The following ZC3H12C variants were observed in gnomAD, a reference collection of about 807,000 sequenced individuals.
ZC3H12C encodes the protein probable ribonuclease ZC3H12C.
A neutral mutation model predicts 76.3 loss-of-function variants in ZC3H12C; 20 were observed. The ratio of observed to expected loss-of-function variants is 0.26; its 90% confidence interval spans 0.18 to 0.38. ZC3H12C has a LOEUF of 0.38. Among genes scored for constraint, ZC3H12C ranks in the 10% least tolerant of loss-of-function variants. The probability of loss-of-function intolerance (pLI) is 1.00; values close to 1 mark genes in which losing one functional copy is unlikely to be tolerated. For synonymous variants in ZC3H12C, 352 were observed against 399.6 expected (o/e 0.88, Z 1.42); for missense variants, 874 against 1,086.5 (o/e 0.80, Z 2.75).
At chr11:110,140,941 CAA>C (rs1344774302) in intron 2 of ZC3H12C, among the ~76,000 whole-genome samples, 1 of 152,196 alleles carries the variant, frequency 6.6e-6, no homozygotes, top group African/African-American at 2.4e-5. Context: ...AGATTGGAGA[CAA>C]AGAGACCCAC....
intron 4 of ZC3H12C, among the ~76,000 whole-genome samples, chr11:110,160,231 A>G (rs1253815091): frequency 6.6e-6 from 1 of 152,236 alleles, no homozygotes; most frequent in African/African-American, 2.4e-5. Flanking sequence ...CAGTGAATGA[A>G]TGGTGAGTGA....
At chr11:110,154,933 T>C (rs566943357) in intron 3 of ZC3H12C, among the ~76,000 whole-genome samples, 4 of 148,586 alleles carry the variant, frequency 2.7e-5, no homozygotes, top group Non-Finnish European at 5.9e-5. Flanking sequence ...AGAAAAAAAG[T>C]TCAACCCCAT....
chr11:110,142,452 A>G (rs1862083401), intron 2 of ZC3H12C, among the ~76,000 whole-genome samples: 1 of 152,222 alleles, frequency 6.6e-6, no homozygotes, highest in South Asian at 2.1e-4. Flanking sequence ...ACTTTTGTTA[A>G]TAAGACCTTT....
intron 1 of ZC3H12C, among the ~76,000 whole-genome samples, chr11:110,100,294 T>C (rs1861190564): frequency 6.8e-6 from 1 of 146,698 alleles, no homozygotes; most frequent in Admixed American, 7.0e-5. Flanking sequence ...ATCACCCGCC[T>C]CCACTTCCCA....
intron 4 of ZC3H12C, among the ~76,000 whole-genome samples, chr11:110,160,023 G>T (rs1471888633): frequency 6.6e-6 from 1 of 152,214 alleles, no homozygotes; most frequent in Non-Finnish European, 1.5e-5. Context: ...CTACCAACTT[G>T]TATAGCATGC....
rs952602254 is a variant in ZC3H12C, at chr11:110,106,236, C to T, written c.21+12804C>T. Among the ~76,000 whole-genome samples, 2 of 14,940 alleles carry T rather than the reference C, an allele frequency of 1.3e-4. 1 individual carries two copies. The highest frequency in any genetic ancestry group is 6.1e-4 in the African/African-American group (2 of 3,254). 9.8% of individuals were successfully genotyped at this position (14,940 alleles called of 152,430 possible). A position where few individuals can be genotyped will look rare whatever the true frequency, so the allele number is the denominator to read the frequency against. On this transcript the variant is annotated intron_variant, in intron 1 of 5. Coordinates refer to ENST00000278590, the MANE Select transcript of ZC3H12C (RefSeq NM_033390.2). ...TGAGCCGAGATCGCGCCACTGCACT[C>T]CAGCCTGGGCGACAGAGCGAGACTC...
intron 2 of ZC3H12C, among the ~76,000 whole-genome samples, chr11:110,145,442 C>T (rs1032769515): frequency 3.9e-5 from 6 of 152,106 alleles, no homozygotes; most frequent in South Asian, 4.1e-4. Context: ...GTTCATAAGG[C>T]GTTCCTTTTA....
chr11:110,144,824 G>A (rs1307866935), intron 2 of ZC3H12C, among the ~76,000 whole-genome samples: 1 of 152,018 alleles, frequency 6.6e-6, no homozygotes, highest in Non-Finnish European at 1.5e-5. Flanking sequence ...TTTTATAGAT[G>A]CCTTCATTCT....
At chr11:110,119,732 G>A (rs894755644) in intron 1 of ZC3H12C, among the ~76,000 whole-genome samples, 1 of 152,196 alleles carries the variant, frequency 6.6e-6, no homozygotes, top group Non-Finnish European at 1.5e-5. Flanking sequence ...TCGATGTCTG[G>A]TGAAGTCCTC....
intron 1 of ZC3H12C, among the ~76,000 whole-genome samples, chr11:110,106,567 A>G (rs1292298301): frequency 6.6e-6 from 1 of 152,212 alleles, no homozygotes; most frequent in Non-Finnish European, 1.5e-5. Flanking sequence ...TGATAATAAT[A>G]CATATCGTGG....
At chr11:110,146,736 T>C (rs1862178349) in intron 2 of ZC3H12C, among the ~76,000 whole-genome samples, 1 of 152,198 alleles carries the variant, frequency 6.6e-6, no homozygotes, top group Non-Finnish European at 1.5e-5. Flanking sequence ...TTTCTTTGTC[T>C]TTATCTTTCT....
intron 2 of ZC3H12C, among the ~76,000 whole-genome samples, 183 bp downstream of exon 2, chr11:110,137,597 T>C (rs1861989341): frequency 1.3e-5 from 2 of 152,358 alleles, no homozygotes; most frequent in South Asian, 4.1e-4. Flanking sequence ...CCATCTTTAC[T>C]TCATTTATCC....
chr11:110,102,599 T>C (rs1861237385), intron 1 of ZC3H12C, among the ~76,000 whole-genome samples: 1 of 152,182 alleles, frequency 6.6e-6, no homozygotes, highest in Non-Finnish European at 1.5e-5. Context: ...ATTTCAAAAA[T>C]TCAACCTAGT....
chr11:110,165,281 A>C lies in ZC3H12C; in HGVS notation c.2196A>C (p.Ala732=). The change falls in exon 6 of 6, where the codon GCA becomes GCC. Residue 732 remains alanine (A), a synonymous_variant. Coordinates refer to ENST00000278590, the MANE Select transcript of ZC3H12C (RefSeq NM_033390.2). ...PGDYPSPPSS[A]HSKAPHLGRS... is the part of the protein sequence containing the mutation. ...ACTACCCCTCTCCTCCAAGTTCAGC[A>C]CACTCTAAGGCACCACACCTAGGGA... The C allele has an allele frequency of 1.2e-6, 2 of 1,614,006 alleles. No individual in the cohort carries two copies. Among genetic ancestry groups the C allele is most frequent in the Non-Finnish European group, 1.7e-6 (2 of 1,179,892 alleles).
At chr11:110,101,704 C>T (rs560213001) in intron 1 of ZC3H12C, among the ~76,000 whole-genome samples, 6 of 152,194 alleles carry the variant, frequency 3.9e-5, no homozygotes, top group East Asian at 1.9e-4. Context: ...CGCGCCACCA[C>T]GTCCAGCTAA....
At chr11:110,159,145 A>C (rs1862431493) in intron 3 of ZC3H12C, 111 bp from the exon 4 acceptor site, 14 of 765,222 alleles carry the variant, frequency 1.8e-5, no homozygotes. Context: ...TCCCTAATTA[A>C]AGGATTTCAT....
intron 1 of ZC3H12C, among the ~76,000 whole-genome samples, chr11:110,115,460 AC>A (rs1861508931): frequency 6.6e-6 from 1 of 151,732 alleles, no homozygotes. Context: ...ACATCACCAC[AC>A]TTGGGTAAGT....
At chr11:110,144,427 A>C (rs1862124899) in intron 2 of ZC3H12C, among the ~76,000 whole-genome samples, 1 of 152,202 alleles carries the variant, frequency 6.6e-6, no homozygotes, top group South Asian at 2.1e-4. Context: ...TCAGAATAAG[A>C]ATCCCAAGCT....
intron 1 of ZC3H12C, chr11:110,131,842 T>C (rs1189796593): frequency 6.6e-6 from 1 of 152,242 alleles, no homozygotes; most frequent in East Asian, 1.9e-4. Flanking sequence ...TGCCCTATTG[T>C]GCGAACATAT....
Sources: gnomAD v4.1 joint callset for allele counts (sites outside exome capture counted in the v4.1 genomes callset) on GRCh38, gnomAD v4.1.1 for gene constraint, MANE v1.5 for transcripts, NCBI Gene and HGNC (gene_info 2026-07-23, HGNC 2026-07-21) for gene names.